NTNG1: variants seen among roughly 807,000 people sequenced by gnomAD.
The protein encoded by NTNG1 is netrin G1.
Under a neutral mutation model 54.0 loss-of-function variants are expected in NTNG1, and 16 were observed. The observed-to-expected ratio is 0.30, with a 90% CI of 0.20 to 0.45. The LOEUF (loss-of-function observed/expected upper bound fraction) is 0.45, where lower values mean the gene tolerates loss of function less well. Among genes scored for constraint, NTNG1 ranks in the 20% least tolerant of loss-of-function variants. The pLI is 1.00. For missense variants in NTNG1, 530 were observed against 678.7 expected, an observed-to-expected ratio of 0.78 and a Z score of 2.43; for synonymous variants, 255 against 263.1, an observed-to-expected ratio of 0.97 and a Z score of 0.30.
intron 2 of NTNG1, among the ~76,000 whole-genome samples, chr1:107,271,526 C>T (rs1664143680): frequency 6.6e-6 from 1 of 152,102 alleles, no homozygotes; most frequent in Non-Finnish European, 1.5e-5. Context: ...AACTAGCAGA[C>T]ATCAAAGATT....
At chr1:107,250,821 C>T (rs930772385) in intron 2 of NTNG1, among the ~76,000 whole-genome samples, 6 of 152,206 alleles carry the variant, frequency 3.9e-5, no homozygotes, top group Admixed American at 6.5e-5. Flanking sequence ...GCAGCCAACC[C>T]GCCAGGCAAC....
intron 2 of NTNG1, among the ~76,000 whole-genome samples, chr1:107,230,953 A>T (rs1157511816): frequency 6.6e-6 from 1 of 152,190 alleles, no homozygotes; most frequent in Non-Finnish European, 1.5e-5. Context: ...TTATCCATAT[A>T]TTGAATTACA....
chr1:107,365,678 C>T (rs554744968), intron 3 of NTNG1, among the ~76,000 whole-genome samples: 1 of 152,244 alleles, frequency 6.6e-6, no homozygotes, highest in South Asian at 2.1e-4. Flanking sequence ...CTATATGCCA[C>T]TTGGCATGAG....
chr1:107,282,714 G>A (rs1294564545), intron 2 of NTNG1, among the ~76,000 whole-genome samples: 1 of 152,112 alleles, frequency 6.6e-6, no homozygotes, highest in African/African-American at 2.4e-5. Flanking sequence ...TTATAGCACT[G>A]TCCTTCAGTC....
At chr1:107,357,497 A>T (rs184385775) in intron 3 of NTNG1, among the ~76,000 whole-genome samples, 3 of 152,212 alleles carry the variant, frequency 2.0e-5, no homozygotes, top group Admixed American at 2.0e-4. Flanking sequence ...TAACTACTTC[A>T]TTTCTTCCAC....
chr1:107,293,276 T>C (rs1335348260), intron 2 of NTNG1, among the ~76,000 whole-genome samples: 1 of 152,240 alleles, frequency 6.6e-6, no homozygotes, highest in Non-Finnish European at 1.5e-5. Context: ...TTATAATCTT[T>C]TGTTAAAAGC....
chr1:107,255,547 G>T (rs1015173800), intron 2 of NTNG1, among the ~76,000 whole-genome samples: 1 of 152,180 alleles, frequency 6.6e-6, no homozygotes, highest in African/African-American at 2.4e-5. Context: ...GCTGAAACTC[G>T]ATGAGAATTA....
chr1:107,420,766 T>C (rs1462165656), intron 5 of NTNG1, among the ~76,000 whole-genome samples: 4 of 152,052 alleles, frequency 2.6e-5, no homozygotes, highest in Non-Finnish European at 5.9e-5. Context: ...CAACTCCTAC[T>C]TTAAAAGATT....
intron 3 of NTNG1, chr1:107,334,110 T>C (rs1195038163): frequency 1.3e-5 from 2 of 152,016 alleles, no homozygotes; most frequent in African/African-American, 4.8e-5. Context: ...GCTAAAATCA[T>C]GTATTGAAAG....
intron 3 of NTNG1, among the ~76,000 whole-genome samples, chr1:107,393,548 C>A (rs1239350783): frequency 6.6e-6 from 1 of 151,778 alleles, no homozygotes; most frequent in African/African-American, 2.4e-5. Context: ...GTTGAACAAG[C>A]TTATTATAAT....
At chr1:107,474,249 A>G (rs1678169974) in intron 7 of NTNG1, among the ~76,000 whole-genome samples, 1 of 152,196 alleles carries the variant, frequency 6.6e-6, no homozygotes, top group African/African-American at 2.4e-5. Flanking sequence ...GAGAGTTGGG[A>G]CATGCTTAAA....
At position 107,185,902 on chromosome 1, in the gene NTNG1, A is replaced by G. The variant is rs116573279; in HGVS notation, c.246+37063A>G. Among the ~76,000 whole-genome samples, 241 of 152,220 alleles carry G rather than the reference A, an allele frequency of 1.6e-3. 1 individual carries two copies. Among genetic ancestry groups the G allele is most frequent in the Middle Eastern group, 6.8e-3 (2 of 294 alleles). On this transcript the variant is annotated intron_variant, in intron 2 of 7. Coordinates refer to ENST00000370068, the MANE Select transcript of NTNG1 (RefSeq NM_001113226.3). ...TAAAACTTGTATACGTTTAAAGGGT[A>G]AAAGTGCAGTTTTGTTACATAATTA...
chr1:107,179,678 T>A (rs1344148488), intron 2 of NTNG1, among the ~76,000 whole-genome samples: 1 of 152,150 alleles, frequency 6.6e-6, no homozygotes, highest in African/African-American at 2.4e-5. Flanking sequence ...TTGTCTAGAT[T>A]ATTTCATCAC....
intron 5 of NTNG1, among the ~76,000 whole-genome samples, chr1:107,416,873 T>C: frequency 6.6e-6 from 1 of 152,158 alleles, no homozygotes; most frequent in Middle Eastern, 3.4e-3. Flanking sequence ...GAAAGCTAGT[T>C]AACCGAACTA....
chr1:107,317,713 A>G (rs1445261746), intron 2 of NTNG1, among the ~76,000 whole-genome samples: 5 of 152,102 alleles, frequency 3.3e-5, no homozygotes, highest in Non-Finnish European at 7.4e-5. Flanking sequence ...CTTGTTGCAG[A>G]AAGGTTAAGC....
Position 107,209,071 on chromosome 1 carries a change from C to G in NTNG1, c.246+60232C>G, listed in dbSNP as rs1570856748. ...TCTGAGATTCCAGATTCCTTTGATA[C>G]TTTTTCAAACCTTCTGCTTGCCTTT... On this transcript the variant is annotated intron_variant, in intron 2 of 7. Transcript: ENST00000370068. Among the ~76,000 whole-genome samples the G allele has an allele frequency of 1.3e-5, 2 of 151,856 alleles. 1 individual carries two copies. The highest frequency in any genetic ancestry group is 4.2e-4 in the South Asian group (2 of 4,810).
intron 3 of NTNG1, chr1:107,333,924 AG>A (rs1470974728): frequency 6.6e-6 from 1 of 151,390 alleles, no homozygotes; most frequent in Non-Finnish European, 1.5e-5. Flanking sequence ...TGGAATAAAT[AG>A]GGATTTTTTT....
intron 4 of NTNG1, among the ~76,000 whole-genome samples, chr1:107,395,975 G>A (rs867952354): frequency 2.0e-5 from 3 of 152,174 alleles, no homozygotes; most frequent in East Asian, 3.9e-4. Context: ...CATTATCCGC[G>A]TTTACAGAAA....
rs766181590 is a variant in NTNG1, at chr1:107,480,749, C to T, written c.1529C>T (p.Ser510Phe). 4.4e-6 allele frequency: 7 copies of T among 1,608,110 alleles called. No individual in the cohort carries two copies. In the South Asian group the frequency reaches 7.8e-5, roughly 18 times the overall value. ...TGCGAGGAGGCTGGCAGCTGCGGCTCCGACTCTGGCCAGGGCGCGCCCCCG... is the reference window on the plus strand; with the variant it reads ...TGCGAGGAGGCTGGCAGCTGCGGCTTCGACTCTGGCCAGGGCGCGCCCCCG... ...LRCEEAGSCGSDSGQGAPPHG... is the reference protein window; with the variant it reads ...LRCEEAGSCGFDSGQGAPPHG... The change falls in exon 8 of 8, where the codon TCC becomes TTC. Residue 510 changes from serine (S) to phenylalanine (F), a missense_variant. Ser to Phe is a radical substitution (Grantham distance 155). Coordinates refer to ENST00000370068, the MANE Select transcript of NTNG1 (RefSeq NM_001113226.3).
Sources: gnomAD v4.1 joint callset for allele counts (sites outside exome capture counted in the v4.1 genomes callset) on GRCh38, gnomAD v4.1.1 for gene constraint, MANE v1.5 for transcripts, NCBI Gene and HGNC (gene_info 2026-07-23, HGNC 2026-07-21) for gene names.